Variants in TMEM67 observed in about 807,000 individuals in gnomAD.
TMEM67 encodes the protein meckelin.
In TMEM67, 124 loss-of-function variants were observed where a neutral mutation model predicts 136.6. The observed-to-expected ratio is 0.91, with a 90% CI of 0.78 to 1.05. TMEM67 has a LOEUF of 1.05. Ranked by LOEUF, TMEM67 falls within the 50% of genes least tolerant of loss-of-function variation. The pLI is 0.00. For missense variants in TMEM67, 1,107 were observed against 1,178.4 expected, an observed-to-expected ratio of 0.94 and a Z score of 0.89; for synonymous variants, 364 against 390.5, an observed-to-expected ratio of 0.93 and a Z score of 0.80.
the TMEM67 span, among the ~76,000 whole-genome samples, chr8:93,825,093 T>G: frequency 6.6e-6 from 1 of 152,172 alleles, no homozygotes; most frequent in Admixed American, 6.5e-5. Context: ...AAGGAGATAA[T>G]AGAAGTACAG....
intron 3 of TMEM67, among the ~76,000 whole-genome samples, chr8:93,762,343 TTTTTTTTTTTACTTTTTAACAA>T (rs1304649637): frequency 4.6e-5 from 7 of 151,098 alleles, no homozygotes; most frequent in Admixed American, 6.6e-5. Flanking sequence ...TCTTTACCTT[TTTTTTTTTTTACTTTTTAACAA>T]TTTTTTTTTT....
At chr8:93,819,150 T>A, downstream of TMEM67, 1 of 450,544 alleles carries the variant, frequency 2.2e-6, no homozygotes, top group Non-Finnish European at 4.4e-6. Context: ...AAACTATGAA[T>A]GCTGGAATTT....
At chr8:93,798,942 AGT>A (rs35511670) in intron 20 of TMEM67, among the ~76,000 whole-genome samples, 32,346 of 143,222 alleles carry the variant, frequency 0.23, 3,733 homozygotes, top group Middle Eastern at 0.3. Context: ...GTACTAAAGT[AGT>A]GTGTGTGTGT....
chr8:93,763,729 G>A, intron 3 of TMEM67, 113 bp from the exon 4 acceptor site: 1 of 732,298 alleles, frequency 1.4e-6, no homozygotes. Context: ...AAAGTGTTTT[G>A]AGAATTAATA....
intron 10 of TMEM67, among the ~76,000 whole-genome samples, 196 bp downstream of exon 10, chr8:93,781,940 A>T (rs1376654339): frequency 6.7e-6 from 1 of 149,384 alleles, no homozygotes; most frequent in African/African-American, 2.5e-5. Context: ...TTTTTTTGAG[A>T]TGGAGTCTCG....
At chr8:93,797,019 C>T (rs758742352) in intron 18 of TMEM67, 115 bp from the exon 19 acceptor site, 1 of 712,684 alleles carries the variant, frequency 1.4e-6, no homozygotes, top group Non-Finnish European at 2.5e-6. Context: ...TGAATTCACT[C>T]ATAAAATTAT....
chr8:93,757,795 C>T (rs1812650913), intron 2 of TMEM67, among the ~76,000 whole-genome samples: 1 of 148,296 alleles, frequency 6.7e-6, no homozygotes. Context: ...GAGAGTATTA[C>T]TGTTGCTCAG....
At chr8:93,780,795 C>G in intron 8 of TMEM67, 48 bp downstream of exon 8, 1 of 1,603,704 alleles carries the variant, frequency 6.2e-7, no homozygotes, top group South Asian at 1.1e-5. Flanking sequence ...GAATTCAGTG[C>G]AGTTATTAAT....
intron 14 of TMEM67, among the ~76,000 whole-genome samples, chr8:93,788,844 G>T (rs894943027): frequency 1.3e-5 from 2 of 152,190 alleles, no homozygotes; most frequent in African/African-American, 2.4e-5. Flanking sequence ...GAGGGCCTAC[G>T]TATGGAAGCG....
rs1814595695 is a variant in TMEM67 at position 93,795,946 on chromosome 8, G to T, written c.1819G>T (p.Glu607Ter). Residue 607 changes from glutamate (E) to a stop codon, truncating the protein, a stop_gained, in exon 18 of 28, where the codon GAA (glutamate) becomes TAA (stop). Transcript: ENST00000453321. LOFTEE classifies it high-confidence loss of function. ...TTTGCTGCCAATGCCAATTCAGGAA[G>T]AACGTTTTGTCACTTATGTTGGATG... ...SVLLPMPIQE[E>*]RFVTYVGCAF... The T allele has an allele frequency of 1.2e-6, 2 of 1,613,702 alleles. No individual in the cohort carries two copies. Among genetic ancestry groups the T allele is most frequent in the Non-Finnish European group, 1.7e-6 (2 of 1,179,638 alleles).
rs375047471 is a variant in TMEM67, at chr8:93,816,418, C to T, written c.2954C>T (p.Ser985Phe). The T allele has an allele frequency of 2.4e-5, 38 of 1,598,588 alleles. No homozygotes were observed. The highest frequency in any genetic ancestry group is 4.0e-5 in the African/African-American group (3 of 74,548). Residue 985 changes from serine (S) to phenylalanine (F), a missense_variant, in exon 28 of 28, where the codon TCC becomes TTC. By Grantham distance (155) the Ser-to-Phe change is radical (BLOSUM62 -2). Around this residue, in one of 3 missense-constraint regions of TMEM67, gnomAD observed 925 missense variants for 1,002.4 expected, o/e 0.92. Transcript: ENST00000453321. ...RNTVGQKNLA[S>F]KTLVDQRFLI is the part of the protein sequence containing the mutation. ...ACAGTAGGACAAAAGAATTTGGCAT[C>T]CAAAACATTGGTGGATCAAAGATTT...
intron 27 of TMEM67, among the ~76,000 whole-genome samples, chr8:93,816,073 T>G (rs1808894758): frequency 6.6e-6 from 1 of 152,234 alleles, no homozygotes; most frequent in Non-Finnish European, 1.5e-5. Context: ...CTTTTGATGT[T>G]TCCGTAGTTT....
At position 93,755,824 on chromosome 8, in the gene TMEM67, T is replaced by C. The variant is rs764492426; in HGVS notation, c.270T>C (p.Asn90=). Residue 90 remains asparagine (N), a synonymous_variant, in exon 2 of 28, where the codon AAT becomes AAC. Coordinates refer to ENST00000453321, the MANE Select transcript of TMEM67 (RefSeq NM_153704.6). ...CAGGATTTCAGATGATCTCTAATAA[T>C]GGAGGACCTGCTATTATTTGTAAAA... ...CLPGFQMISN[N]GGPAIICKKC... is the part of the protein sequence containing the mutation. The C allele has an allele frequency of 4.4e-6, 7 of 1,583,992 alleles. No individual in the cohort carries two copies. The highest frequency in any genetic ancestry group is 5.2e-6 in the Non-Finnish European group (6 of 1,160,982).
At chr8:93,760,749 A>G (rs1812791934) in intron 3 of TMEM67, among the ~76,000 whole-genome samples, 1 of 152,074 alleles carries the variant, frequency 6.6e-6, no homozygotes, top group South Asian at 2.1e-4. Context: ...TAAAAATTAT[A>G]ATACCAAAAA....
intron 3 of TMEM67, among the ~76,000 whole-genome samples, chr8:93,762,636 C>T (rs902911638): frequency 3.3e-5 from 5 of 152,004 alleles, no homozygotes; most frequent in South Asian, 2.1e-4. Flanking sequence ...TTGATTCTCA[C>T]GGTATTTGGG....
chr8:93,823,478 G>A (rs1296600863), downstream of TMEM67, among the ~76,000 whole-genome samples: 2 of 151,896 alleles, frequency 1.3e-5, no homozygotes, highest in African/African-American at 2.4e-5. Flanking sequence ...CTATCTATCT[G>A]TAGGGTACAA....
chr8:93,785,966 A>G (rs897915970), intron 12 of TMEM67, among the ~76,000 whole-genome samples: 3 of 152,148 alleles, frequency 2.0e-5, no homozygotes, highest in African/African-American at 4.8e-5. Flanking sequence ...GCTACTCTGG[A>G]GGCTGAGGTG....
intron 21 of TMEM67, among the ~76,000 whole-genome samples, chr8:93,800,344 TTGAC>T (rs1299077540): frequency 6.6e-6 from 1 of 152,166 alleles, no homozygotes; most frequent in Non-Finnish European, 1.5e-5. Flanking sequence ...GTTGAACTGT[TTGAC>T]TGAACTCATT....
intron 7 of TMEM67, among the ~76,000 whole-genome samples, chr8:93,776,775 T>G (rs991580186): frequency 6.6e-6 from 1 of 152,226 alleles, no homozygotes; most frequent in South Asian, 2.1e-4. Flanking sequence ...TGAGGATTTT[T>G]GCATCGATGT....
Sources: gnomAD v4.1 joint callset for allele counts (sites outside exome capture counted in the v4.1 genomes callset) on GRCh38, gnomAD v4.1.1 for gene constraint, gnomAD v4.1.1 regional missense constraint, MANE v1.5 for transcripts, NCBI Gene and HGNC (gene_info 2026-07-23, HGNC 2026-07-21) for gene names.